Variants in TBCK observed in about 807,000 individuals in gnomAD.
TBCK encodes the protein TBC domain-containing protein kinase-like protein.
In TBCK, 99 loss-of-function variants were observed where a neutral mutation model predicts 113.4. The observed-to-expected ratio is 0.87, with a 90% confidence interval of 0.74 to 1.03. The LOEUF (loss-of-function observed/expected upper bound fraction) is 1.03. TBCK is among the 50% of genes least tolerant of loss of function. The pLI is 0.00. For synonymous variants in TBCK, 369 were observed against 370.8 expected (o/e 1.00, Z 0.05); for missense variants, 1,045 against 1,061.3 (o/e 0.98, Z 0.21).
At chr4:106,316,363 G>GC (rs1159878141), upstream of TBCK, 24 of 611,878 alleles carry the variant, frequency 3.9e-5, no homozygotes, top group Non-Finnish European at 5.6e-5. Flanking sequence ...GGACGGGGGG[G>GC]GTCGATTGAA....
At chr4:106,294,707 T>C (rs1766097127) in intron 3 of TBCK, among the ~76,000 whole-genome samples, 1 of 151,872 alleles carries the variant, frequency 6.6e-6, no homozygotes, top group South Asian at 2.1e-4. Flanking sequence ...GGTCTCGATC[T>C]CCTGACCTTG....
At chr4:106,298,619 C>A (rs1014860955) in intron 2 of TBCK, among the ~76,000 whole-genome samples, 7 of 151,048 alleles carry the variant, frequency 4.6e-5, no homozygotes, top group Admixed American at 6.6e-5. Flanking sequence ...AAAACAACAA[C>A]AAAAAAAAGA....
chr4:106,166,008 C>T (rs1028285592), intron 23 of TBCK, among the ~76,000 whole-genome samples: 2 of 151,626 alleles, frequency 1.3e-5, no homozygotes, highest in African/African-American at 2.4e-5. Flanking sequence ...TAATAGAGTA[C>T]AATTTATCTC....
chr4:106,205,056 C>T (rs77972396), intron 20 of TBCK, among the ~76,000 whole-genome samples: 1 of 151,962 alleles, frequency 6.6e-6, no homozygotes, highest in Non-Finnish European at 1.5e-5. Flanking sequence ...TGAGCCACCG[C>T]GCCCGGCCCA....
intron 23 of TBCK, among the ~76,000 whole-genome samples, chr4:106,156,943 G>C (rs1251901945): frequency 1.3e-5 from 2 of 152,088 alleles, no homozygotes; most frequent in Non-Finnish European, 2.9e-5. Context: ...TCTCCCCATA[G>C]CCATCATAGC....
At chr4:106,135,244 T>C (rs1024715103) in intron 23 of TBCK, among the ~76,000 whole-genome samples, 2 of 151,426 alleles carry the variant, frequency 1.3e-5, no homozygotes, top group African/African-American at 4.8e-5. Flanking sequence ...ATTTTATATA[T>C]AATAAATGTA....
At chr4:106,212,971 T>C in intron 19 of TBCK, 136 bp from the exon 20 acceptor site, 2 of 607,538 alleles carry the variant, frequency 3.3e-6, no homozygotes, top group East Asian at 3.0e-5. Context: ...AATTTTGTTT[T>C]GTTACTATTT....
At chr4:106,202,077 T>C (rs975627615) in intron 20 of TBCK, among the ~76,000 whole-genome samples, 28 of 151,952 alleles carry the variant, frequency 1.8e-4, no homozygotes, top group African/African-American at 6.5e-4. Flanking sequence ...AACTTAAATA[T>C]AGGAGTTACA....
At chr4:106,122,900 C>A (rs1321465002) in intron 23 of TBCK, among the ~76,000 whole-genome samples, 4 of 152,288 alleles carry the variant, frequency 2.6e-5, no homozygotes, top group African/African-American at 9.6e-5. Flanking sequence ...CTATCTATGA[C>A]AAACCCACAG....
At chr4:106,178,440 T>C (rs1262031929) in intron 22 of TBCK, among the ~76,000 whole-genome samples, 1 of 151,994 alleles carries the variant, frequency 6.6e-6, no homozygotes. Context: ...TTCAGTGTAG[T>C]AGCTGTGGGG....
chr4:106,143,309 GAC>G (rs1239813940), intron 23 of TBCK, among the ~76,000 whole-genome samples: 2 of 152,138 alleles, frequency 1.3e-5, no homozygotes, highest in African/African-American at 2.4e-5. Context: ...CAATTCAGAA[GAC>G]ACTTGTGCAT....
chr4:106,231,106 T>G (rs962602375), intron 18 of TBCK, among the ~76,000 whole-genome samples: 3 of 151,724 alleles, frequency 2.0e-5, no homozygotes, highest in African/African-American at 7.2e-5. Context: ...ATAAGGCATC[T>G]AGACATTCAA....
intron 23 of TBCK, among the ~76,000 whole-genome samples, chr4:106,142,879 T>C (rs1402163139): frequency 6.6e-6 from 1 of 152,052 alleles, no homozygotes; most frequent in African/African-American, 2.4e-5. Flanking sequence ...TGCAAAGAAA[T>C]AAAAACTGTC....
chr4:106,054,048 C>T (rs1578758221), intron 25 of TBCK, among the ~76,000 whole-genome samples: 1 of 151,720 alleles, frequency 6.6e-6, no homozygotes, highest in African/African-American at 2.4e-5. Flanking sequence ...CTAACCCTCA[C>T]ACAACGTGAG....
rs530026577 is a variant in TBCK, at chr4:106,295,038, C to A, written c.266+56G>T. ...AAACCCCTGCAGTTTAAACAAAATG[C>A]CTTTTTGTTTGCCAAGTTCTGCTTT... On this transcript the variant is annotated intron_variant, in intron 3 of 25. Transcript: ENST00000394708. The A allele has an allele frequency of 4.9e-6, 7 of 1,431,658 alleles. No homozygotes were observed. In the East Asian group the frequency reaches 7.0e-5, roughly 14 times the overall value. The allele number at this position is 1,431,658 out of a possible 1,614,324, so 88.7% of individuals were successfully genotyped here.
chr4:106,148,890 C>T (rs1748146373), intron 23 of TBCK, among the ~76,000 whole-genome samples: 1 of 152,146 alleles, frequency 6.6e-6, no homozygotes, highest in South Asian at 2.1e-4. Flanking sequence ...CTATGAAAGC[C>T]CTAGATGGTA....
intron 20 of TBCK, among the ~76,000 whole-genome samples, chr4:106,199,491 A>T (rs1212238111): frequency 6.6e-6 from 1 of 151,552 alleles, no homozygotes; most frequent in Non-Finnish European, 1.5e-5. Context: ...TAGTTTGAGG[A>T]CCCTATTTCA....
At chr4:106,215,432 A>G (rs573773022) in intron 19 of TBCK, among the ~76,000 whole-genome samples, 1 of 152,308 alleles carries the variant, frequency 6.6e-6, no homozygotes, top group African/African-American at 2.4e-5. Flanking sequence ...AATTGGATAA[A>G]GAGTCAAGAC....
intron 24 of TBCK, among the ~76,000 whole-genome samples, chr4:106,105,318 G>C (rs923097640): frequency 2.0e-5 from 3 of 152,174 alleles, no homozygotes; most frequent in African/African-American, 7.2e-5. Flanking sequence ...GCATCTCTCT[G>C]GGGCGGAGCC....
Sources: gnomAD v4.1 joint callset for allele counts (sites outside exome capture counted in the v4.1 genomes callset) on GRCh38, gnomAD v4.1.1 for gene constraint, MANE v1.5 for transcripts, NCBI Gene and HGNC (gene_info 2026-07-23, HGNC 2026-07-21) for gene names.